Variants in TFAP2B observed in about 807,000 individuals in gnomAD.
TFAP2B encodes the protein transcription factor AP-2 beta.
Under a neutral mutation model 44.3 loss-of-function variants are expected in TFAP2B, and 9 were observed. The ratio of observed to expected loss-of-function variants is 0.20; its 90% CI spans 0.12 to 0.35. TFAP2B has a LOEUF of 0.35. Among genes scored for constraint, TFAP2B ranks in the 10% least tolerant of loss-of-function variants. The pLI is 1.00. For missense variants in TFAP2B, 509 were observed against 600.0 expected, an observed-to-expected ratio of 0.85 and a Z score of 1.59; for synonymous variants, 270 against 263.8, an observed-to-expected ratio of 1.02 and a Z score of -0.23.
chr6:50,832,525 T>G (rs971133058), intron 3 of TFAP2B, among the ~76,000 whole-genome samples: 6 of 152,288 alleles, frequency 3.9e-5, no homozygotes, highest in Non-Finnish European at 8.8e-5. Flanking sequence ...GAGGAAGTGT[T>G]TAGATCTGAG....
chr6:50,826,453 A>T (rs1011928887), intron 2 of TFAP2B, among the ~76,000 whole-genome samples: 4 of 152,144 alleles, frequency 2.6e-5, no homozygotes, highest in African/African-American at 9.6e-5. Flanking sequence ...ATATTTTTTT[A>T]AATGAAACTA....
intron 2 of TFAP2B, among the ~76,000 whole-genome samples, chr6:50,827,010 G>C (rs1033830995): frequency 1.3e-5 from 2 of 152,130 alleles, no homozygotes; most frequent in African/African-American, 4.8e-5. Context: ...CCCAGCAGGC[G>C]GCCGTAATTA....
rs1762808683 is a variant in TFAP2B, at chr6:50,844,829, T to C, written c.*1437T>C. Reference sequence around the variant, plus strand: ...GGCGGCACAAGCACCCACATTTCTGTAACAATTGCTTTCTTACAAGATGCT... The same window carrying C: ...GGCGGCACAAGCACCCACATTTCTGCAACAATTGCTTTCTTACAAGATGCT... On this transcript the variant is annotated 3_prime_UTR_variant, in exon 7 of 7. Coordinates refer to ENST00000393655, the MANE Select transcript of TFAP2B (RefSeq NM_003221.4). The C allele has an allele frequency of 6.6e-6, 1 of 152,234 alleles. No homozygotes were observed. The highest frequency in any genetic ancestry group is 2.1e-4 in the South Asian group (1 of 4,832). The allele number at this position is 152,234 out of a possible 1,614,324, so 9.4% of individuals were successfully genotyped here. A position where few individuals can be genotyped will look rare whatever the true frequency, so the allele number is the denominator to read the frequency against.
chr6:50,842,631 G>T (rs1174855526), intron 6 of TFAP2B, among the ~76,000 whole-genome samples: 1 of 152,250 alleles, frequency 6.6e-6, no homozygotes, highest in Non-Finnish European at 1.5e-5. Context: ...CTGCTTCAGT[G>T]CCAGGGACAG....
At chr6:50,825,683 C>G (rs1488841355) in intron 2 of TFAP2B, among the ~76,000 whole-genome samples, 2 of 152,242 alleles carry the variant, frequency 1.3e-5, no homozygotes, top group Admixed American at 6.5e-5. Flanking sequence ...ACCTCGGGGC[C>G]AAGTTGTTGC....
At chr6:50,818,594 T>C (rs1770237842), upstream of TFAP2B, 6 of 346,446 alleles carry the variant, frequency 1.7e-5, no homozygotes, top group South Asian at 3.0e-4. Flanking sequence ...ACATTTGGAG[T>C]CTGCAGACTG....
chr6:50,827,413 A>T (rs1222795317), intron 2 of TFAP2B, among the ~76,000 whole-genome samples: 1 of 152,228 alleles, frequency 6.6e-6, no homozygotes, highest in East Asian at 1.9e-4. Context: ...AGAACAAAAG[A>T]GTGACTATTA....
At chr6:50,838,548 A>G (rs1762666814) in intron 5 of TFAP2B, among the ~76,000 whole-genome samples, 1 of 152,162 alleles carries the variant, frequency 6.6e-6, no homozygotes, top group South Asian at 2.1e-4. Context: ...TCTGCAGATT[A>G]CCTGGGACAT....
chr6:50,820,110 G>A (rs1263043564), intron 1 of TFAP2B, among the ~76,000 whole-genome samples: 2 of 152,186 alleles, frequency 1.3e-5, no homozygotes, highest in Non-Finnish European at 2.9e-5. Flanking sequence ...CATGGAGATT[G>A]CTAAGAGGAA....
At chr6:50,823,384 C>G (rs1315939398) in intron 1 of TFAP2B, 23 bp from the exon 2 acceptor site, 2 of 1,558,678 alleles carry the variant, frequency 1.3e-6, no homozygotes, top group Admixed American at 3.8e-5. Flanking sequence ...TGGCTCTCTT[C>G]CCCTTCCTCT....
At chr6:50,835,299 C>A (rs1480660681) in intron 3 of TFAP2B, among the ~76,000 whole-genome samples, 2 of 152,236 alleles carry the variant, frequency 1.3e-5, no homozygotes, top group Admixed American at 6.5e-5. Flanking sequence ...CTGTTCCAAA[C>A]AATCACTAGC....
intron 6 of TFAP2B, among the ~76,000 whole-genome samples, chr6:50,842,862 G>A (rs962211895): frequency 6.6e-6 from 1 of 152,226 alleles, no homozygotes; most frequent in African/African-American, 2.4e-5. Flanking sequence ...GTCGGGGGAA[G>A]GCAAGGCTTT....
At chr6:50,821,442 G>T (rs1309769362) in intron 1 of TFAP2B, among the ~76,000 whole-genome samples, 9 of 152,114 alleles carry the variant, frequency 5.9e-5, no homozygotes, top group African/African-American at 2.2e-4. Context: ...CACCCAAGGC[G>T]ACCAAGTCCT....
chr6:50,821,350 C>T (rs930090743), intron 1 of TFAP2B, among the ~76,000 whole-genome samples: 2 of 152,180 alleles, frequency 1.3e-5, no homozygotes, highest in African/African-American at 2.4e-5. Context: ...TGTAAATAAC[C>T]AGGCCCACCA....
At chr6:50,835,700 G>C (rs1250950205) in intron 3 of TFAP2B, among the ~76,000 whole-genome samples, 1 of 152,220 alleles carries the variant, frequency 6.6e-6, no homozygotes, top group East Asian at 1.9e-4. Context: ...AGGAGGTTCA[G>C]ACAGAGTCAG....
intron 4 of TFAP2B, among the ~76,000 whole-genome samples, chr6:50,836,989 C>T (rs1490626334): frequency 1.3e-5 from 2 of 152,190 alleles, no homozygotes; most frequent in Non-Finnish European, 2.9e-5. Context: ...TGGATTTTAT[C>T]TTAAGATGTA....
chr6:50,822,094 A>G (rs1327144695), intron 1 of TFAP2B: 1 of 1,290,992 alleles, frequency 7.7e-7, no homozygotes, highest in Non-Finnish European at 1.0e-6. Flanking sequence ...TTTTTTAATC[A>G]TTGTTTGATT....
In TFAP2B at chr6:50,823,726, G is replaced by A; in HGVS notation, c.401G>A (p.Gly134Asp). The change falls in exon 2 of 7, where the codon GGC (glycine) becomes GAC (aspartate). Residue 134 changes from glycine to aspartate, a missense_variant. Around this residue, in one of 3 missense-constraint regions of TFAP2B, gnomAD observed 296 missense variants for 308.2 expected, o/e 0.96. Transcript: ENST00000393655. ...QPRAALPQLS[G>D]LDPRRDYHSV... is the part of the protein sequence containing the mutation. Reference sequence around the variant, plus strand: ...CGGGCCGCCTTGCCCCAGCTCTCGGGCCTTGACCCCCGGAGGGACTACCAC... The same window carrying A: ...CGGGCCGCCTTGCCCCAGCTCTCGGACCTTGACCCCCGGAGGGACTACCAC... 1 of 1,612,182 alleles carries A rather than the reference G, an allele frequency of 6.2e-7. No individual in the cohort carries two copies. The highest frequency in any genetic ancestry group is 8.5e-7 in the Non-Finnish European group (1 of 1,179,234).
At position 50,847,346 on chromosome 6, in the gene TFAP2B, T is replaced by C. The variant is rs1762870014; in HGVS notation, c.*3954T>C. ...TATTGACTCTTCACGAGAAGAGCTCTGGAGGGTATTCATGTTAAGTTTGTA... is the reference window on the plus strand; with the variant it reads ...TATTGACTCTTCACGAGAAGAGCTCCGGAGGGTATTCATGTTAAGTTTGTA... On this transcript the variant is annotated 3_prime_UTR_variant, in exon 7 of 7. Transcript: ENST00000393655. The C allele has an allele frequency of 6.6e-6, 1 of 152,634 alleles. No individual in the cohort carries two copies. Among genetic ancestry groups the C allele is most frequent in the Non-Finnish European group, 1.5e-5 (1 of 68,036 alleles). 9.5% of individuals were successfully genotyped at this position (152,634 alleles called of 1,614,324 possible). A position where few individuals can be genotyped will look rare whatever the true frequency, so the allele number is the denominator to read the frequency against.
Sources: allele counts gnomAD v4.1 joint callset (sites outside exome capture counted in the v4.1 genomes callset), GRCh38; gene constraint gnomAD v4.1.1; regional missense constraint gnomAD v4.1.1; transcripts MANE v1.5; gene names NCBI Gene and HGNC (gene_info 2026-07-23, HGNC 2026-07-21).